The following HGSNAT variants were observed in gnomAD, a reference collection of about 807,000 sequenced individuals.
HGSNAT encodes the protein heparan-alpha-glucosaminide N-acetyltransferase.
HGSNAT carries 59 observed loss-of-function variants against 85.2 expected under a neutral mutation model. That is an observed-to-expected ratio of 0.69 (90% CI 0.56 to 0.86). The LOEUF is 0.86. Among genes scored for constraint, HGSNAT ranks in the 40% least tolerant of loss-of-function variants. HGSNAT has a pLI of 0.00. For synonymous variants in HGSNAT, 321 were observed against 304.5 expected, an observed-to-expected ratio of 1.05 and a Z score of -0.56; for missense variants, 756 against 777.1, an observed-to-expected ratio of 0.97 and a Z score of 0.32.
chr8:43,156,600 G>A (rs1158541056), intron 2 of HGSNAT, among the ~76,000 whole-genome samples: 1 of 152,178 alleles, frequency 6.6e-6, no homozygotes, highest in Non-Finnish European at 1.5e-5. Flanking sequence ...GGTCAGAAAA[G>A]ATAATTGATA....
chr8:43,196,458 C>G lies in HGSNAT; in HGVS notation c.1465-490C>G, dbSNP rs779658160. On this transcript the variant is annotated intron_variant, in intron 14 of 17. Coordinates refer to ENST00000379644, the MANE Select transcript of HGSNAT (RefSeq NM_152419.3). The stretch of plus-strand genomic sequence containing the variant: ...TGCCCAGACTGGGTCACCAAACAGG[C>G]CTGTCTGACGGAACCCTTGTCACCT... 17 of 1,289,416 alleles carry G rather than the reference C, an allele frequency of 1.3e-5. No homozygotes were observed. In the South Asian group the frequency reaches 2.1e-4, roughly 16 times the overall value. 79.9% of individuals were successfully genotyped at this position (1,289,416 alleles called of 1,614,324 possible).
Position 43,161,438 on chromosome 8 carries a change from C to A in HGSNAT, c.494C>A (p.Pro165His), listed in dbSNP as rs376173929. The change falls in exon 5 of 18, where the codon CCT becomes CAT. Residue 165 changes from proline (P) to histidine (H), a missense_variant and splice_region_variant. Transcript: ENST00000379644. ...VNEDPVDSNL[P>H]VSIAFLIGLA... is the part of the protein sequence containing the mutation. ...AATGTGTTTTCTTCTCTTTTTCTAG[C>A]TGTGAGCATTGCATTCCTTATTGGT... The A allele has an allele frequency of 1.5e-5, 24 of 1,612,296 alleles. No homozygotes were observed. Among genetic ancestry groups the A allele is most frequent in the Non-Finnish European group, 1.9e-5 (22 of 1,178,848 alleles).
chr8:43,197,341 T>A (rs1804758747), intron 15 of HGSNAT: 2 of 526,350 alleles, frequency 3.8e-6, no homozygotes, highest in Non-Finnish European at 6.7e-6. Flanking sequence ...GTTGCAGACA[T>A]CAACTTCCAG....
At chr8:43,166,966 G>A (rs191729513) in intron 5 of HGSNAT, among the ~76,000 whole-genome samples, 204 of 152,258 alleles carry the variant, frequency 1.3e-3, no homozygotes, top group African/African-American at 4.8e-3. Context: ...TGGATGACTC[G>A]GGGGTTTAAG....
intron 2 of HGSNAT, among the ~76,000 whole-genome samples, chr8:43,155,990 A>G (rs758358147): frequency 2.0e-5 from 3 of 152,092 alleles, no homozygotes; most frequent in Non-Finnish European, 4.4e-5. Context: ...ATAGACACCC[A>G]CTACCATGCC....
chr8:43,182,425 A>C, intron 11 of HGSNAT, 165 bp downstream of exon 11: 1 of 696,910 alleles, frequency 1.4e-6, no homozygotes, highest in Non-Finnish European at 2.6e-6. Context: ...GGTGTGAGCC[A>C]CCATGCCTGG....
chr8:43,140,594 C>A lies in HGSNAT; in HGVS notation c.98C>A (p.Ala33Asp). 8.1e-7 allele frequency: 1 copy of A among 1,235,972 alleles called. No homozygotes were observed. Among genetic ancestry groups the A allele is most frequent in the Non-Finnish European group, 1.0e-6 (1 of 981,156 alleles). 76.6% of individuals were successfully genotyped at this position (1,235,972 alleles called of 1,614,324 possible). Reference sequence around the variant, plus strand: ...CCCGGCGGCTCTTCGGGGCGCGATGCCCAGGCCGCGCCGCCACGAGGTGAG... The same window carrying A: ...CCCGGCGGCTCTTCGGGGCGCGATGACCAGGCCGCGCCGCCACGAGGTGAG... ...LAPGGSSGRDAQAAPPRDLDK... is the reference protein window; with the variant it reads ...LAPGGSSGRDDQAAPPRDLDK... The change falls in exon 1 of 18, where the codon GCC (alanine) becomes GAC (aspartate). Residue 33 changes from alanine (A) to aspartate (D), a missense_variant. By Grantham distance (126) the Ala-to-Asp change is moderately radical. Transcript: ENST00000379644.
chr8:43,166,243 A>T (rs771810085), intron 5 of HGSNAT, among the ~76,000 whole-genome samples: 4 of 152,238 alleles, frequency 2.6e-5, no homozygotes, highest in Non-Finnish European at 5.9e-5. Context: ...AGATCCAGCT[A>T]AGATAATTGA....
intron 10 of HGSNAT, among the ~76,000 whole-genome samples, chr8:43,179,454 C>T (rs1803954539): frequency 4.5e-5 from 5 of 111,478 alleles, no homozygotes; most frequent in African/African-American, 1.1e-4. Flanking sequence ...GCAGAGGCGC[C>T]CCTCACCTCC....
chr8:43,179,612 G>T (rs1803969339), intron 10 of HGSNAT, among the ~76,000 whole-genome samples: 1 of 67,684 alleles, frequency 1.5e-5, no homozygotes. Context: ...GGGGCGGCCG[G>T]GCAGAGGCGC....
intron 1 of HGSNAT, among the ~76,000 whole-genome samples, chr8:43,140,987 G>A (rs1248402430): frequency 6.6e-6 from 1 of 152,094 alleles, no homozygotes; most frequent in Non-Finnish European, 1.5e-5. Context: ...GCCGAGGATC[G>A]GGGGGGCTCG....
At chr8:43,150,461 T>TCAAAA (rs1007802357) in intron 2 of HGSNAT, among the ~76,000 whole-genome samples, 5 of 151,740 alleles carry the variant, frequency 3.3e-5, no homozygotes, top group East Asian at 1.9e-4. Flanking sequence ...CTCATCTCTT[T>TCAAAA]CAAAACAAAA....
At chr8:43,175,503 G>C (rs1803776789) in intron 9 of HGSNAT, among the ~76,000 whole-genome samples, 1 of 139,474 alleles carries the variant, frequency 7.2e-6, no homozygotes, top group Admixed American at 7.4e-5. Context: ...TCATATTCGT[G>C]TTTGCCATTT....
At chr8:43,181,430 G>C (rs1804119555) in intron 10 of HGSNAT, among the ~76,000 whole-genome samples, 1 of 152,004 alleles carries the variant, frequency 6.6e-6, no homozygotes, top group Admixed American at 6.6e-5. Context: ...ACTAGTCACT[G>C]TCCTCAAGGG....
intron 5 of HGSNAT, chr8:43,168,011 C>T (rs1422581803): frequency 6.0e-5 from 14 of 232,038 alleles, no homozygotes; most frequent in Non-Finnish European, 9.0e-5. Flanking sequence ...CTCTGCCTCC[C>T]GGGTTCACAC....
intron 11 of HGSNAT, among the ~76,000 whole-genome samples, chr8:43,188,042 G>A (rs1804382699): frequency 6.6e-6 from 1 of 152,152 alleles, no homozygotes. Flanking sequence ...CCCTTTATGG[G>A]TAACCTGACC....
intron 2 of HGSNAT, among the ~76,000 whole-genome samples, chr8:43,149,694 T>A (rs915435683): frequency 1.3e-5 from 2 of 150,174 alleles, no homozygotes; most frequent in Non-Finnish European, 3.0e-5. Flanking sequence ...AGCAAGACTC[T>A]GTCTCAAAAA....
At chr8:43,161,212 TG>T (rs1367454865) in intron 4 of HGSNAT, among the ~76,000 whole-genome samples, 1 of 152,142 alleles carries the variant, frequency 6.6e-6, no homozygotes, top group African/African-American at 2.4e-5. Context: ...ATCTGGGTGA[TG>T]GATTATATAT....
chr8:43,154,769 C>T lies in HGSNAT; in HGVS notation c.235-3806C>T, dbSNP rs192553665. ...CTAGATCCCTGAGGAATCGCCACAC[C>T]GACTTCCACAGTGGTTGAACTAGTT... On this transcript the variant is annotated intron_variant, in intron 2 of 17. Coordinates refer to ENST00000379644, the MANE Select transcript of HGSNAT (RefSeq NM_152419.3). Among the ~76,000 whole-genome samples, 520 of 152,238 alleles carry T rather than the reference C, an allele frequency of 3.4e-3. 4 individuals carry two copies. The highest frequency in any genetic ancestry group is 0.011 in the African/African-American group (470 of 41,536).
Sources: gnomAD v4.1 joint callset for allele counts (sites outside exome capture counted in the v4.1 genomes callset) on GRCh38, gnomAD v4.1.1 for gene constraint, MANE v1.5 for transcripts, NCBI Gene and HGNC (gene_info 2026-07-23, HGNC 2026-07-21) for gene names.